ZFYVE9: variants seen among roughly 807,000 people sequenced by gnomAD.
The protein encoded by ZFYVE9 is zinc finger FYVE-type containing 9.
In ZFYVE9, 43 loss-of-function variants were observed where a neutral mutation model predicts 126.7. That is an observed-to-expected ratio of 0.34 (90% CI 0.27 to 0.44). ZFYVE9 has a LOEUF of 0.44. Ranked by LOEUF, ZFYVE9 falls within the 20% of genes least tolerant of loss-of-function variation. The probability of loss-of-function intolerance (pLI) is 1.00; values close to 1 mark genes in which losing one functional copy is unlikely to be tolerated. For missense variants in ZFYVE9, 1,476 were observed against 1,697.0 expected (o/e 0.87, Z 2.29); for synonymous variants, 521 against 597.4 (o/e 0.87, Z 1.87).
intron 1 of ZFYVE9, among the ~76,000 whole-genome samples, chr1:52,182,068 G>A (rs573019300): frequency 6.6e-6 from 1 of 151,614 alleles, no homozygotes; most frequent in South Asian, 2.1e-4. Flanking sequence ...CCCCTCGCCC[G>A]GCCAGCTGCC....
chr1:52,340,302 C>T, intron 17 of ZFYVE9, 71 bp downstream of exon 17: 2 of 1,145,184 alleles, frequency 1.7e-6, no homozygotes, highest in South Asian at 1.3e-5. Context: ...GAGCCACATT[C>T]TGGGTTGACT....
chr1:52,170,610 C>T (rs2124523856), intron 1 of ZFYVE9, among the ~76,000 whole-genome samples: 1 of 152,174 alleles, frequency 6.6e-6, no homozygotes, highest in East Asian at 1.9e-4. Context: ...GATGTAGGCA[C>T]TTAGAGCTAT....
intron 18 of ZFYVE9, 55 bp from the exon 19 acceptor site, chr1:52,346,005 C>T: frequency 6.7e-7 from 1 of 1,487,600 alleles, no homozygotes; most frequent in Non-Finnish European, 9.0e-7. Context: ...GCCCTCAGCC[C>T]TGGAGAGGCC....
chr1:52,273,901 A>AT (rs927218567), intron 7 of ZFYVE9, among the ~76,000 whole-genome samples: 3 of 151,646 alleles, frequency 2.0e-5, no homozygotes, highest in South Asian at 2.1e-4. Flanking sequence ...ATCAAAGTTG[A>AT]TTTTTTTCCC....
intron 13 of ZFYVE9, among the ~76,000 whole-genome samples, chr1:52,332,541 C>T (rs1411064922): frequency 6.6e-6 from 1 of 152,126 alleles, no homozygotes; most frequent in African/African-American, 2.4e-5. Context: ...GTATCATGTG[C>T]TTATTAGGTC....
intron 7 of ZFYVE9, among the ~76,000 whole-genome samples, chr1:52,271,605 T>G (rs147197493): frequency 2.6e-5 from 4 of 152,238 alleles, no homozygotes; most frequent in African/African-American, 9.6e-5. Flanking sequence ...CTGACCACTT[T>G]TTATGATATT....
chr1:52,216,550 C>T (rs967592036), intron 2 of ZFYVE9, 76 bp downstream of exon 2: 5 of 397,406 alleles, frequency 1.3e-5, no homozygotes, highest in Non-Finnish European at 2.2e-5. Context: ...AATGCTGATG[C>T]ATATATGTTA....
At chr1:52,322,815 C>CT (rs1026971438) in intron 13 of ZFYVE9, among the ~76,000 whole-genome samples, 2 of 149,720 alleles carry the variant, frequency 1.3e-5, no homozygotes, top group African/African-American at 4.9e-5. Context: ...CTCTTTTTTT[C>CT]TTTTTTGGAG....
At position 52,238,690 on chromosome 1, in the gene ZFYVE9, A is replaced by G. The variant is rs776878226; in HGVS notation, c.1273A>G (p.Ile425Val). 1.9e-6 allele frequency: 3 copies of G among 1,614,126 alleles called. No individual in the cohort carries two copies. The highest frequency in any genetic ancestry group is 2.2e-5 in the East Asian group (1 of 44,864). The change falls in exon 4 of 19, where the codon ATT (isoleucine) becomes GTT (valine). Residue 425 changes from isoleucine (I) to valine (V), a missense_variant. Physicochemically the swap from Ile to Val is conservative, Grantham distance 29. This residue lies in a region of ZFYVE9 where 807 missense variants were observed against 794.6 expected (regional missense o/e 1.02). Coordinates refer to ENST00000287727, the MANE Select transcript of ZFYVE9 (RefSeq NM_004799.4). ...VNEEKEKFLQ[I>V]SQPEDTNGDS... ...CGAAGAAAAGGAAAAGTTTCTACAGATTAGTCAGCCTGAGGACACTAATGG... is the reference window on the plus strand; with the variant it reads ...CGAAGAAAAGGAAAAGTTTCTACAGGTTAGTCAGCCTGAGGACACTAATGG...
At chr1:52,246,000 T>C (rs1407565777) in intron 4 of ZFYVE9, among the ~76,000 whole-genome samples, 2 of 152,204 alleles carry the variant, frequency 1.3e-5, no homozygotes, top group African/African-American at 4.8e-5. Flanking sequence ...CAATCTCAAC[T>C]GACTGCAGCC....
Position 52,272,673 on chromosome 1 carries a change from C to CTTTTTTTTT in ZFYVE9, c.2626-1779_2626-1771dup, listed in dbSNP as rs58857376. Among the ~76,000 whole-genome samples, 61 of 121,254 alleles carry CTTTTTTTTT rather than the reference C, an allele frequency of 5.0e-4. 2 individuals are homozygous for CTTTTTTTTT. Among genetic ancestry groups the CTTTTTTTTT allele is most frequent in the African/African-American group, 1.7e-3 (51 of 29,590 alleles). The allele number at this position is 121,254 out of a possible 152,430, so 79.5% of individuals were successfully genotyped here. Reference sequence around the variant, plus strand: ...ATGAAATGAAGCTGCTAGAAATAATCTTTTTTTTTTTTTTTTTTTTGAGTC... The same window carrying CTTTTTTTTT: ...ATGAAATGAAGCTGCTAGAAATAATCTTTTTTTTTTTTTTTTTTTTTTTTTTTTTGAGTC... On this transcript the variant is annotated intron_variant, in intron 7 of 18. Coordinates refer to ENST00000287727, the MANE Select transcript of ZFYVE9 (RefSeq NM_004799.4).
intron 10 of ZFYVE9, among the ~76,000 whole-genome samples, chr1:52,292,545 C>G (rs932493114): frequency 7.5e-5 from 11 of 145,730 alleles, no homozygotes; most frequent in African/African-American, 2.8e-4. Flanking sequence ...AATCTTGGCT[C>G]ACTGCAACCT....
At chr1:52,229,558 A>G (rs1645198944) in intron 2 of ZFYVE9, among the ~76,000 whole-genome samples, 1 of 152,256 alleles carries the variant, frequency 6.6e-6, no homozygotes, top group South Asian at 2.1e-4. Context: ...ACTGGAATTC[A>G]GTACAACTTA....
intron 4 of ZFYVE9, among the ~76,000 whole-genome samples, chr1:52,258,506 C>A (rs1172114949): frequency 6.8e-6 from 1 of 147,502 alleles, no homozygotes; most frequent in Non-Finnish European, 1.5e-5. Context: ...AGAACTGGCC[C>A]ACCTAAAATG....
chr1:52,339,254 T>C (rs1646414269), intron 16 of ZFYVE9, among the ~76,000 whole-genome samples: 1 of 152,114 alleles, frequency 6.6e-6, no homozygotes, highest in Admixed American at 6.5e-5. Context: ...TTGTTTACAC[T>C]AGCACTGTCA....
intron 7 of ZFYVE9, among the ~76,000 whole-genome samples, chr1:52,270,883 G>A (rs1026837248): frequency 1.3e-5 from 2 of 151,870 alleles, no homozygotes; most frequent in African/African-American, 4.8e-5. Context: ...TTTCTTAAAG[G>A]ATCACATCAA....
At chr1:52,306,870 T>A (rs116192894) in intron 13 of ZFYVE9, among the ~76,000 whole-genome samples, 1 of 152,216 alleles carries the variant, frequency 6.6e-6, no homozygotes, top group Non-Finnish European at 1.5e-5. Flanking sequence ...CCTGACTGTG[T>A]GCAGTGGCCG....
chr1:52,320,015 C>CA (rs199572576), intron 13 of ZFYVE9, among the ~76,000 whole-genome samples: 5 of 134,484 alleles, frequency 3.7e-5, no homozygotes, highest in African/African-American at 5.6e-5. Context: ...GATTCTGTCT[C>CA]AAAAAAAAAA....
rs530189988 is a variant in ZFYVE9, at chr1:52,255,178, A to G, written c.2179-8595A>G. Among the ~76,000 whole-genome samples, 111 of 152,318 alleles carry G rather than the reference A, an allele frequency of 7.3e-4. 1 individual carries two copies. The highest frequency in any genetic ancestry group is 2.6e-3 in the African/African-American group (110 of 41,576). On this transcript the variant is annotated intron_variant, in intron 4 of 18. Transcript: ENST00000287727. ...AAAAATTATTACAAGGCAGTGTAGAAAATGCTTATGATGACATATGAATAG... is the reference window on the plus strand; with the variant it reads ...AAAAATTATTACAAGGCAGTGTAGAGAATGCTTATGATGACATATGAATAG...
Sources: allele counts gnomAD v4.1 joint callset (sites outside exome capture counted in the v4.1 genomes callset), GRCh38; gene constraint gnomAD v4.1.1; regional missense constraint gnomAD v4.1.1; transcripts MANE v1.5; gene names NCBI Gene and HGNC (gene_info 2026-07-23, HGNC 2026-07-21).